SUCLG2: variants seen among roughly 807,000 people sequenced by gnomAD.
The protein encoded by SUCLG2 is succinate--CoA ligase [GDP-forming] subunit beta, mitochondrial.
In SUCLG2, 42 loss-of-function variants were observed where a neutral mutation model predicts 47.9. The observed-to-expected ratio is 0.88, with a 90% confidence interval of 0.69 to 1.14. The LOEUF (loss-of-function observed/expected upper bound fraction) is 1.14, where lower values mean the gene tolerates loss of function less well. Among genes scored for constraint, SUCLG2 ranks in the 50% most tolerant of loss-of-function variants. The pLI is 0.00. For missense variants in SUCLG2, 571 were observed against 525.9 expected, an observed-to-expected ratio of 1.09 and a Z score of -0.84; for synonymous variants, 195 against 197.3, an observed-to-expected ratio of 0.99 and a Z score of 0.10.
chr3:67,435,466 A>G (rs6780361), intron 9 of SUCLG2, among the ~76,000 whole-genome samples: 74,597 of 151,940 alleles, frequency 0.49, 18,706 homozygotes, highest in Non-Finnish European at 0.54. Flanking sequence ...GTAAGATGCC[A>G]CCTTTATTTA....
At chr3:67,594,380 G>A (rs921543855) in intron 2 of SUCLG2, among the ~76,000 whole-genome samples, 20 of 152,094 alleles carry the variant, frequency 1.3e-4, no homozygotes, top group East Asian at 3.9e-4. Context: ...CATTCTCACC[G>A]ATCCCCTTTC....
chr3:67,399,929 C>T (rs779158961), intron 10 of SUCLG2, among the ~76,000 whole-genome samples: 1 of 152,050 alleles, frequency 6.6e-6, no homozygotes, highest in Non-Finnish European at 1.5e-5. Flanking sequence ...GCCTATAATC[C>T]CAACATTTTG....
At chr3:67,387,692 C>A (rs868687382) in intron 10 of SUCLG2, among the ~76,000 whole-genome samples, 1 of 152,070 alleles carries the variant, frequency 6.6e-6, no homozygotes, top group Non-Finnish European at 1.5e-5. Context: ...ATGCAAAATA[C>A]CACATTCAAG....
In SUCLG2 at chr3:67,400,750, G is replaced by A; in HGVS notation, c.1164C>T (p.Pro388=). 6.2e-7 allele frequency: 1 copy of A among 1,611,728 alleles called. No individual in the cohort carries two copies. The highest frequency in any genetic ancestry group is 8.5e-7 in the Non-Finnish European group (1 of 1,179,920). ...KACRELELKV[P]LVVRLEGTNV... is the part of the protein sequence containing the mutation. ...ACTCACCTTCAAGCCGGACCACCAG[G>A]GGCACCTTGAGTTCTAGCTCCCGGC... Residue 388 remains proline (P), a synonymous_variant, in exon 10 of 11, where the codon CCC becomes CCT. Transcript: ENST00000307227.
At chr3:67,435,737 T>C (rs1462308053) in intron 9 of SUCLG2, among the ~76,000 whole-genome samples, 1 of 152,236 alleles carries the variant, frequency 6.6e-6, no homozygotes, top group African/African-American at 2.4e-5. Context: ...TAATCTGTTT[T>C]GCTTTAATCA....
intron 1 of SUCLG2, among the ~76,000 whole-genome samples, chr3:67,618,928 T>G (rs967373278): frequency 6.6e-6 from 1 of 152,204 alleles, no homozygotes; most frequent in Non-Finnish European, 1.5e-5. Context: ...GACATCAGAC[T>G]AGGATCAGAC....
At chr3:67,540,799 C>G (rs1188469281) in intron 2 of SUCLG2, among the ~76,000 whole-genome samples, 1 of 152,180 alleles carries the variant, frequency 6.6e-6, no homozygotes, top group Non-Finnish European at 1.5e-5. Flanking sequence ...CAGGAGAGCT[C>G]CGGCTGGCAT....
chr3:67,506,328 A>C (rs193131497), intron 7 of SUCLG2, among the ~76,000 whole-genome samples: 1 of 152,376 alleles, frequency 6.6e-6, no homozygotes, highest in East Asian at 1.9e-4. Context: ...GTTATAAACC[A>C]ACATACTCAT....
chr3:67,600,054 T>G (rs1206304962), intron 2 of SUCLG2, among the ~76,000 whole-genome samples: 9 of 152,210 alleles, frequency 5.9e-5, no homozygotes, highest in Non-Finnish European at 1.3e-4. Context: ...TATGTAATAT[T>G]TATTCTGTTG....
chr3:67,542,029 A>T (rs1391116415), intron 2 of SUCLG2, among the ~76,000 whole-genome samples: 3 of 151,810 alleles, frequency 2.0e-5, no homozygotes, highest in Admixed American at 6.6e-5. Flanking sequence ...ATGCACCACC[A>T]CACCTGGCTA....
intron 2 of SUCLG2, among the ~76,000 whole-genome samples, chr3:67,589,466 CCAAA>C (rs1708102014): frequency 6.6e-6 from 1 of 152,152 alleles, no homozygotes; most frequent in South Asian, 2.1e-4. Context: ...ATTGAAGTGG[CCAAA>C]CAATCCAATG....
At chr3:67,397,779 G>T (rs1013184284) in intron 10 of SUCLG2, among the ~76,000 whole-genome samples, 5 of 152,210 alleles carry the variant, frequency 3.3e-5, no homozygotes, top group African/African-American at 1.2e-4. Context: ...ATACTACAAG[G>T]CTACAGTAAC....
chr3:67,577,491 G>C (rs1427796247), intron 2 of SUCLG2, among the ~76,000 whole-genome samples: 1 of 152,184 alleles, frequency 6.6e-6, no homozygotes. Flanking sequence ...GACATACATG[G>C]AAATGACACA....
At chr3:67,568,487 A>ACTT (rs1315734277) in intron 2 of SUCLG2, among the ~76,000 whole-genome samples, 6 of 152,364 alleles carry the variant, frequency 3.9e-5, no homozygotes, top group African/African-American at 7.2e-5. Context: ...CTTAAAGAAA[A>ACTT]CTTAAGTGGC....
intron 10 of SUCLG2, among the ~76,000 whole-genome samples, chr3:67,362,543 GGTCTCCTCCAT>G (rs1362428588): frequency 6.6e-6 from 1 of 152,040 alleles, no homozygotes; most frequent in Non-Finnish European, 1.5e-5. Flanking sequence ...TAGTTAAGCT[GGTCTCCTCCAT>G]GAAATTGCAA....
intron 10 of SUCLG2, among the ~76,000 whole-genome samples, chr3:67,363,439 G>T (rs1227315593): frequency 6.6e-6 from 1 of 152,148 alleles, no homozygotes; most frequent in African/African-American, 2.4e-5. Flanking sequence ...TGTATTTGTG[G>T]GTTTCTGCTT....
chr3:67,422,389 C>T (rs190602090), intron 9 of SUCLG2, among the ~76,000 whole-genome samples: 2,251 of 140,910 alleles, frequency 0.016, 94 homozygotes, highest in Admixed American at 0.099. Context: ...GCAGGAGAAT[C>T]GCTTGAACCC....
chr3:67,615,648 A>ACACACACACACACGAGAT (rs1553670720), intron 1 of SUCLG2, among the ~76,000 whole-genome samples: 3 of 151,786 alleles, frequency 2.0e-5, no homozygotes, highest in African/African-American at 4.8e-5. Context: ...ACACACACAC[A>ACACACACACACACGAGAT]CACGAGATCT....
chr3:67,437,672 G>A (rs932899800), intron 9 of SUCLG2, among the ~76,000 whole-genome samples: 1 of 151,962 alleles, frequency 6.6e-6, no homozygotes, highest in Non-Finnish European at 1.5e-5. Context: ...AGGCTTTTAT[G>A]ATATGTGGCA....
Sources: allele counts gnomAD v4.1 joint callset (sites outside exome capture counted in the v4.1 genomes callset), GRCh38; gene constraint gnomAD v4.1.1; transcripts MANE v1.5; gene names NCBI Gene and HGNC (gene_info 2026-07-23, HGNC 2026-07-21).